COL1A2: variants seen among roughly 807,000 people sequenced by gnomAD.
The protein encoded by COL1A2 is collagen alpha-2(I) chain.
In COL1A2, 49 loss-of-function variants were observed where a neutral mutation model predicts 174.3. That is an observed-to-expected ratio of 0.28 (90% CI 0.22 to 0.36). The LOEUF (loss-of-function observed/expected upper bound fraction) is 0.36, where lower values mean the gene tolerates loss of function less well. Among genes scored for constraint, COL1A2 ranks in the 10% least tolerant of loss-of-function variants. The pLI is 1.00. For synonymous variants in COL1A2, 655 were observed against 606.6 expected, an observed-to-expected ratio of 1.08 and a Z score of -1.17; for missense variants, 1,438 against 1,822.7, an observed-to-expected ratio of 0.79 and a Z score of 3.84.
chr7:94,429,205 A>G lies in COL1A2; in HGVS notation c.3729A>G (p.Glu1243=), dbSNP rs571375805. The change falls in exon 51 of 52, where the codon GAA becomes GAG. Residue 1243 remains glutamate (E), a synonymous_variant. Transcript: ENST00000297268. The part of the protein sequence containing the change: ...NAGSQFEYNV[E]GVTSKEMATQ... ...TTCTGTAGTTTGAATATAATGTAGA[A>G]GGAGTGACTTCCAAGGAAATGGCTA... is the stretch of plus-strand genomic sequence containing the variant. The G allele has an allele frequency of 6.2e-7, 1 of 1,612,798 alleles. No homozygotes were observed. Among genetic ancestry groups the G allele is most frequent in the South Asian group, 1.1e-5 (1 of 91,038 alleles).
chr7:94,409,501 G>A, intron 17 of COL1A2, 63 bp from the exon 18 acceptor site: 2 of 1,611,048 alleles, frequency 1.2e-6, no homozygotes, highest in Non-Finnish European at 1.7e-6. Flanking sequence ...ATGAAGATGG[G>A]GTCAAAGAAG....
At chr7:94,428,516 A>C in intron 50 of COL1A2, 39 bp downstream of exon 50, 1 of 1,565,124 alleles carries the variant, frequency 6.4e-7, no homozygotes, top group Non-Finnish European at 8.8e-7. Flanking sequence ...CTGCTAAATA[A>C]TATTTTGGTA....
Position 94,423,107 on chromosome 7 carries a change from G to T in COL1A2, c.2554G>T (p.Ala852Ser), listed in dbSNP as rs375155526. 2.5e-6 allele frequency: 4 copies of T among 1,614,148 alleles called. No individual in the cohort carries two copies. The highest frequency in any genetic ancestry group is 3.4e-6 in the Non-Finnish European group (4 of 1,180,020). ...FAGEKGPSGE[A>S]GTAGPPGTPG... ...TGGTGAGAAGGGTCCCTCTGGAGAG[G>T]CTGGTACTGCTGTAAGTGATTTCCA... The change falls in exon 40 of 52, where the codon GCT (alanine) becomes TCT (serine). Residue 852 changes from alanine to serine, a missense_variant. Transcript: ENST00000297268.
At chr7:94,397,931 C>T (rs181151702) in intron 2 of COL1A2, among the ~76,000 whole-genome samples, 173 bp downstream of exon 2, 2 of 151,900 alleles carry the variant, frequency 1.3e-5, no homozygotes, top group Admixed American at 1.3e-4. Flanking sequence ...AAAGTACCCA[C>T]CCAATTTTCC....
intron 1 of COL1A2, 55 bp from the exon 2 acceptor site, chr7:94,397,693 A>T: frequency 1.0e-6 from 1 of 971,226 alleles, no homozygotes; most frequent in Non-Finnish European, 1.6e-6. Flanking sequence ...ATTGCTATTG[A>T]TCCATGAAGT....
At chr7:94,403,291 A>G (rs957122705) in intron 6 of COL1A2, among the ~76,000 whole-genome samples, 1 of 152,226 alleles carries the variant, frequency 6.6e-6, no homozygotes, top group African/African-American at 2.4e-5. Flanking sequence ...ATGCACAGAC[A>G]TATGTAATCA....
At chr7:94,413,378 G>A (rs1224020857) in intron 26 of COL1A2, among the ~76,000 whole-genome samples, 1 of 152,112 alleles carries the variant, frequency 6.6e-6, no homozygotes, top group Non-Finnish European at 1.5e-5. Context: ...TATTCATTTT[G>A]TAATTAAAAG....
At position 94,400,276 on chromosome 7, in the gene COL1A2, T is replaced by C. The variant is rs374356493; in HGVS notation, c.213T>C (p.Pro71=). Reference sequence around the variant, plus strand: ...GTCCACCTGGTCCTCCTGGCCCCCCTGGTCTCGGTGGGGTAAGGTGTCTTA... The same window carrying C: ...GTCCACCTGGTCCTCCTGGCCCCCCCGGTCTCGGTGGGGTAAGGTGTCTTA... The part of the protein sequence containing the change: ...PPGPPGPPGP[P]GLGGNFAAQY... The change falls in exon 5 of 52, where the codon CCT becomes CCC. Residue 71 remains proline (P), a synonymous_variant. Transcript: ENST00000297268. The C allele has an allele frequency of 1.9e-6, 3 of 1,613,428 alleles. No individual in the cohort carries two copies. In the African/African-American group the frequency reaches 4.0e-5, roughly 22 times the overall value.
In COL1A2 at chr7:94,422,195, GAA is replaced by G. The variant is rs11312537; in HGVS notation, c.2403+254_2403+255del. ...CCCCTTTCAGGGGCATGGTCTTTTTGAAAAAAAAAAAACAAAAAAACGAACAG... is the reference window on the plus strand; with the variant it reads ...CCCCTTTCAGGGGCATGGTCTTTTTGAAAAAAAAAACAAAAAAACGAACAG... On this transcript the variant is annotated intron_variant, in intron 39 of 51. Transcript: ENST00000297268. 0.041 allele frequency among the ~76,000 whole-genome samples: 5,902 copies of G among 144,502 alleles called. 390 individuals are homozygous for G. The highest frequency in any genetic ancestry group is 0.14 in the African/African-American group (5,501 of 39,818). The allele number at this position is 144,502 out of a possible 152,430, so 94.8% of individuals were successfully genotyped here.
chr7:94,406,170 T>A, intron 11 of COL1A2, 80 bp from the exon 12 acceptor site: 9 of 1,437,098 alleles, frequency 6.3e-6, no homozygotes, highest in Non-Finnish European at 8.8e-6. Context: ...GAGAGATTAA[T>A]GGCAAAGATA....
intron 40 of COL1A2, 124 bp downstream of exon 40, chr7:94,423,242 T>A (rs1792206407): frequency 8.4e-7 from 1 of 1,189,106 alleles, no homozygotes; most frequent in Non-Finnish European, 1.2e-6. Flanking sequence ...AGAGCTCAGT[T>A]GAGCCAGGAA....
In COL1A2 at chr7:94,410,877, A is replaced by G. The variant is rs1292046736; in HGVS notation, c.1198-12A>G. ...TTCTTTAATTCTCTCTATTTCATGT[A>G]CTTTCTTGCAGGGTAGTCCTGGTTC... On this transcript the variant is annotated splice_polypyrimidine_tract_variant and intron_variant, in intron 21 of 51. Coordinates refer to ENST00000297268, the MANE Select transcript of COL1A2 (RefSeq NM_000089.4). 1.4e-5 allele frequency: 23 copies of G among 1,613,276 alleles called. No homozygotes were observed. The highest frequency in any genetic ancestry group is 1.9e-5 in the Non-Finnish European group (22 of 1,179,488).
Position 94,429,323 on chromosome 7 carries a change from A to T in COL1A2, c.3847A>T (p.Thr1283Ser). 1 of 1,614,044 alleles carries T rather than the reference A, an allele frequency of 6.2e-7. No individual in the cohort carries two copies. The highest frequency in any genetic ancestry group is 2.2e-5 in the East Asian group (1 of 44,866). ...CAGCATTGCATACATGGATGAGGAG[A>T]CTGGCAACCTGAAAAAGGCTGTCAT... ...KNSIAYMDEE[T>S]GNLKKAVILQ... Residue 1283 changes from threonine to serine, a missense_variant, in exon 51 of 52, where the codon ACT (threonine) becomes TCT (serine). Physicochemically the swap from Thr to Ser is moderately conservative, Grantham distance 58. This residue lies in a region of COL1A2 where 290 missense variants were observed against 298.1 expected (regional missense o/e 0.97). Coordinates refer to ENST00000297268, the MANE Select transcript of COL1A2 (RefSeq NM_000089.4).
chr7:94,397,828 G>A, intron 2 of COL1A2, 70 bp downstream of exon 2: 2 of 902,888 alleles, frequency 2.2e-6, no homozygotes, highest in South Asian at 1.5e-5. Flanking sequence ...GTCTTCTCTT[G>A]GAAGGGAAGA....
intron 6 of COL1A2, among the ~76,000 whole-genome samples, chr7:94,401,960 A>G (rs1293867578): frequency 2.6e-5 from 4 of 152,158 alleles, no homozygotes; most frequent in Non-Finnish European, 5.9e-5. Context: ...AATCACTCTG[A>G]TTAATTTTTT....
In COL1A2 at chr7:94,426,463, A is replaced by G. The variant is rs747015150; in HGVS notation, c.3038A>G (p.Glu1013Gly). ...GIRGDKGEPG[E>G]KGPRGLPGLK... ...CGTGGCGATAAGGGAGAGCCCGGTG[A>G]AAAGGGGCCCAGAGGTCTTCCTGGC... Residue 1013 changes from glutamate (E) to glycine (G), a missense_variant, in exon 46 of 52, where the codon GAA becomes GGA. Physicochemically the swap from Glu to Gly is moderately conservative, Grantham distance 98. Coordinates refer to ENST00000297268, the MANE Select transcript of COL1A2 (RefSeq NM_000089.4). The G allele has an allele frequency of 6.2e-7, 1 of 1,607,084 alleles. No homozygotes were observed. The highest frequency in any genetic ancestry group is 8.5e-7 in the Non-Finnish European group (1 of 1,177,218).
rs562391531 is a variant in COL1A2, at chr7:94,400,756, T to C, written c.225+468T>C. On this transcript the variant is annotated intron_variant, in intron 5 of 51. Transcript: ENST00000297268. ...CTAATTTGAGAAAAGTACATTTCCCTTTTTCATTAATATCTTCTTTTAGCT... is the reference window on the plus strand; with the variant it reads ...CTAATTTGAGAAAAGTACATTTCCCCTTTTCATTAATATCTTCTTTTAGCT... Among the ~76,000 whole-genome samples, 713 of 152,340 alleles carry C rather than the reference T, an allele frequency of 4.7e-3. 2 individuals are homozygous for C. Among genetic ancestry groups the C allele is most frequent in the Non-Finnish European group, 7.6e-3 (514 of 68,016 alleles).
At chr7:94,422,787 T>A in intron 39 of COL1A2, 170 bp from the exon 40 acceptor site, 1 of 849,208 alleles carries the variant, frequency 1.2e-6, no homozygotes, top group Non-Finnish European at 1.9e-6. Context: ...CAGGAGTTGC[T>A]TCTTTCTGCA....
intron 29 of COL1A2, among the ~76,000 whole-genome samples, chr7:94,414,554 G>T (rs903613356): frequency 1.3e-5 from 2 of 152,018 alleles, no homozygotes; most frequent in East Asian, 3.9e-4. Context: ...TATTGTTCTT[G>T]ATAACGTTAA....
Sources: gnomAD v4.1 joint callset for allele counts (sites outside exome capture counted in the v4.1 genomes callset) on GRCh38, gnomAD v4.1.1 for gene constraint, gnomAD v4.1.1 regional missense constraint, MANE v1.5 for transcripts, NCBI Gene and HGNC (gene_info 2026-07-23, HGNC 2026-07-21) for gene names.